SULF2: variants seen among roughly 807,000 people sequenced by gnomAD.
The protein encoded by SULF2 is extracellular sulfatase Sulf-2.
A neutral mutation model predicts 107.7 loss-of-function variants in SULF2; 52 were observed. That is an observed-to-expected ratio of 0.48 (90% CI 0.39 to 0.61). SULF2 has a LOEUF of 0.61. Ranked by LOEUF, SULF2 falls within the 20% of genes least tolerant of loss-of-function variation. SULF2 has a pLI of 0.00. For missense variants in SULF2, 993 were observed against 1,177.3 expected (o/e 0.84, Z 2.29); for synonymous variants, 460 against 464.3 (o/e 0.99, Z 0.12).
In SULF2 at chr20:47,659,564, T is replaced by C. The variant is rs1211913264; in HGVS notation, c.2529-112A>G. 2.2e-6 allele frequency: 3 copies of C among 1,390,876 alleles called. No homozygotes were observed. The Admixed American group carries it at 5.2e-5, about 24-fold the overall frequency. 86.2% of individuals were successfully genotyped at this position (1,390,876 alleles called of 1,614,324 possible). On this transcript the variant is annotated intron_variant, in intron 19 of 20. Transcript: ENST00000688720. ...CTAGGTGACACCTATCTTTGGTGGG[T>C]GATCCTGGTCTCGGGCAGACCAGAG...
At position 47,738,150 on chromosome 20, in the gene SULF2, C is replaced by T. The variant is rs531142301; in HGVS notation, c.176-1208G>A. Among the ~76,000 whole-genome samples, 131 of 152,324 alleles carry T rather than the reference C, an allele frequency of 8.6e-4. 1 individual carries two copies. Among genetic ancestry groups the T allele is most frequent in the African/African-American group, 3.0e-3 (124 of 41,582 alleles). On this transcript the variant is annotated intron_variant, in intron 2 of 20. Transcript: ENST00000688720. ...ATGAACGTGTGTGGGAGCCCTACTG[C>T]GTGCAGGCCAAGGTCCCAGGAGGGC...
chr20:47,753,059 C>T (rs1259554134), intron 2 of SULF2, among the ~76,000 whole-genome samples: 3 of 144,632 alleles, frequency 2.1e-5, no homozygotes, highest in Non-Finnish European at 4.5e-5. Context: ...CGAGATTGCG[C>T]CACTGTACTC....
intron 11 of SULF2, among the ~76,000 whole-genome samples, chr20:47,667,727 A>G (rs978584969): frequency 6.6e-6 from 1 of 152,076 alleles, no homozygotes; most frequent in Admixed American, 6.5e-5. Flanking sequence ...TCATTTAAAG[A>G]GAAGGGCCTG....
chr20:47,734,018 A>C (rs1260115294), intron 3 of SULF2, among the ~76,000 whole-genome samples: 2 of 152,198 alleles, frequency 1.3e-5, no homozygotes, highest in Non-Finnish European at 2.9e-5. Flanking sequence ...CTTGTCCTTC[A>C]GTATCCGTTT....
intron 2 of SULF2, among the ~76,000 whole-genome samples, chr20:47,756,056 T>C (rs2090274510): frequency 6.6e-6 from 1 of 152,160 alleles, no homozygotes; most frequent in Non-Finnish European, 1.5e-5. Flanking sequence ...GTAATAAACA[T>C]CTGCTGGATG....
chr20:47,688,334 C>G (rs1030872970), intron 5 of SULF2, among the ~76,000 whole-genome samples: 1 of 152,162 alleles, frequency 6.6e-6, no homozygotes, highest in Non-Finnish European at 1.5e-5. Flanking sequence ...CAAACATGCC[C>G]CTAAGAAGGC....
chr20:47,692,885 AT>A (rs1254312937), intron 4 of SULF2, among the ~76,000 whole-genome samples: 1 of 152,238 alleles, frequency 6.6e-6, no homozygotes, highest in Non-Finnish European at 1.5e-5. Context: ...ACTCAGAAAC[AT>A]TCTATTTTTT....
intron 1 of SULF2, among the ~76,000 whole-genome samples, chr20:47,774,074 C>A (rs563179761): frequency 6.6e-6 from 1 of 152,196 alleles, no homozygotes; most frequent in Non-Finnish European, 1.5e-5. Context: ...CCGACACTTA[C>A]AATTATTTTA....
chr20:47,680,778 T>C lies in SULF2; in HGVS notation c.1065-1974A>G, dbSNP rs145132351. ...GCAGAACCCAGCAACCGGCAGCTAA[T>C]GGGGCTGAGCTTGTCCAGTGGTCCC... On this transcript the variant is annotated intron_variant, in intron 7 of 20. Coordinates refer to ENST00000688720, the MANE Select transcript of SULF2 (RefSeq NM_001387048.1). The surrounding 1 kb of genome is among the most constrained non-coding windows in gnomAD (Gnocchi z 4.2). Among the ~76,000 whole-genome samples the C allele has an allele frequency of 4.5e-3, 687 of 152,320 alleles. 3 individuals carry two copies. Among genetic ancestry groups the C allele is most frequent in the African/African-American group, 0.016 (648 of 41,564 alleles).
chr20:47,681,950 G>GCAGCCTGCCTC (rs2146498658), intron 7 of SULF2, among the ~76,000 whole-genome samples: 5 of 152,340 alleles, frequency 3.3e-5, no homozygotes, highest in Middle Eastern at 3.4e-3. Flanking sequence ...CTCCCAAAGT[G>GCAGCCTGCCTC]CTGGGATTAC....
intron 18 of SULF2, 116 bp from the exon 19 acceptor site, chr20:47,659,846 GT>G (rs2087009753): frequency 5.2e-6 from 4 of 770,986 alleles, no homozygotes; most frequent in Non-Finnish European, 8.9e-6. Flanking sequence ...TGCTGATAGT[GT>G]TCCCTACTCA....
At chr20:47,775,688 C>A (rs546262108) in intron 1 of SULF2, among the ~76,000 whole-genome samples, 1 of 152,184 alleles carries the variant, frequency 6.6e-6, no homozygotes, top group Non-Finnish European at 1.5e-5. Flanking sequence ...AAGCCTAGCA[C>A]AGATGGTACA....
chr20:47,717,780 C>T (rs2089168442), intron 3 of SULF2, among the ~76,000 whole-genome samples: 3 of 151,422 alleles, frequency 2.0e-5, no homozygotes, highest in Admixed American at 2.0e-4. Context: ...TTATCCAGAT[C>T]AGTCTTTCCA....
intron 3 of SULF2, among the ~76,000 whole-genome samples, chr20:47,728,695 G>C (rs6090722): frequency 0.048 from 7,358 of 152,322 alleles, 539 homozygotes; most frequent in African/African-American, 0.16. Context: ...CCAAGCGACA[G>C]AGTGTAGTGG....
chr20:47,781,208 C>T (rs925653455), intron 1 of SULF2, among the ~76,000 whole-genome samples: 3 of 152,394 alleles, frequency 2.0e-5, no homozygotes, highest in Middle Eastern at 3.4e-3. Flanking sequence ...AGGCATTGCC[C>T]AGGCAGCGTG....
chr20:47,697,666 A>T (rs1464448709), intron 4 of SULF2, among the ~76,000 whole-genome samples: 1 of 152,104 alleles, frequency 6.6e-6, no homozygotes, highest in Non-Finnish European at 1.5e-5. Context: ...GCCCCTGGTA[A>T]CTGGGGGGCC....
At chr20:47,679,413 C>T (rs1015960824) in intron 7 of SULF2, among the ~76,000 whole-genome samples, 9 of 152,216 alleles carry the variant, frequency 5.9e-5, no homozygotes, top group African/African-American at 2.2e-4. Flanking sequence ...CAACCTGCAC[C>T]TGCTGCCAAC....
At chr20:47,665,101 A>G (rs1396437690) in intron 14 of SULF2, 98 bp downstream of exon 14, 5 of 826,028 alleles carry the variant, frequency 6.1e-6, no homozygotes, top group Non-Finnish European at 1.0e-5. Context: ...GATAAAGATA[A>G]AAATAAAAAA....
rs1223064413 is a variant in SULF2, at chr20:47,664,120, C to T, written c.2057+10G>A. 6.2e-7 allele frequency: 1 copy of T among 1,613,428 alleles called. No homozygotes were observed. The highest frequency in any genetic ancestry group is 1.3e-5 in the African/African-American group (1 of 74,948). ...TGCATCTCTTCCCCAGGACCTCAAGCTGCTCTTACCTGAAAGGATGCAGAC... is the reference window on the plus strand; with the variant it reads ...TGCATCTCTTCCCCAGGACCTCAAGTTGCTCTTACCTGAAAGGATGCAGAC... On this transcript the variant is annotated intron_variant, in intron 15 of 20. Transcript: ENST00000688720.
Sources: gnomAD v4.1 joint callset for allele counts (sites outside exome capture counted in the v4.1 genomes callset) on GRCh38, gnomAD v4.1.1 for gene constraint, Gnocchi (gnomAD v3.1) non-coding constraint, MANE v1.5 for transcripts, NCBI Gene and HGNC (gene_info 2026-07-23, HGNC 2026-07-21) for gene names.